RABGAP1L: variants seen among roughly 807,000 people sequenced by gnomAD.
The protein encoded by RABGAP1L is rab GTPase-activating protein 1-like.
RABGAP1L carries 63 observed loss-of-function variants against 137.7 expected under a neutral mutation model. That is an observed-to-expected ratio of 0.46 (90% confidence interval 0.37 to 0.56). The LOEUF (loss-of-function observed/expected upper bound fraction) is 0.56. RABGAP1L is among the 20% of genes least tolerant of loss of function. The pLI, the probability that RABGAP1L is intolerant of heterozygous loss-of-function variation, is 0.00. For missense variants in RABGAP1L, 1,095 were observed against 1,244.0 expected (o/e 0.88, Z 1.80); for synonymous variants, 431 against 433.7 (o/e 0.99, Z 0.08).
intron 13 of RABGAP1L, among the ~76,000 whole-genome samples, chr1:174,597,700 T>C (rs1670073070): frequency 6.6e-6 from 1 of 152,166 alleles, no homozygotes. Flanking sequence ...TAATCTTGTG[T>C]ATTGTTCTTT....
At chr1:174,258,266 A>C (rs966383458) in intron 7 of RABGAP1L, among the ~76,000 whole-genome samples, 1 of 152,212 alleles carries the variant, frequency 6.6e-6, no homozygotes, top group East Asian at 1.9e-4. Flanking sequence ...TGGCAGCCTT[A>C]CCAAGAAAAT....
chr1:174,237,160 G>A (rs922375367), intron 4 of RABGAP1L, among the ~76,000 whole-genome samples: 20 of 151,646 alleles, frequency 1.3e-4, no homozygotes, highest in South Asian at 4.2e-4. Context: ...GAGCCTATGT[G>A]TGTCTCTGCA....
chr1:174,563,605 G>A (rs1667369937), intron 13 of RABGAP1L, among the ~76,000 whole-genome samples: 1 of 152,108 alleles, frequency 6.6e-6, no homozygotes, highest in African/African-American at 2.4e-5. Flanking sequence ...TGTGATAACC[G>A]AAGGGTTCCA....
chr1:174,465,268 C>T (rs1211963628), intron 13 of RABGAP1L, among the ~76,000 whole-genome samples: 1 of 152,182 alleles, frequency 6.6e-6, no homozygotes, highest in Non-Finnish European at 1.5e-5. Context: ...GGTGTGATCT[C>T]AGCTCACTGT....
chr1:174,240,065 A>G (rs534739436), intron 4 of RABGAP1L, among the ~76,000 whole-genome samples: 1 of 152,182 alleles, frequency 6.6e-6, no homozygotes, highest in Non-Finnish European at 1.5e-5. Context: ...CTTCTATGCT[A>G]TCTGTTTAGC....
In RABGAP1L at chr1:174,584,662, C is replaced by A. The variant is rs75306744; in HGVS notation, c.1711-52713C>A. Reference sequence around the variant, plus strand: ...ATGGGCTTGGCCACTTTGTAAGAAACCTTGGTATCTCAGATGATAGATAGA... The same window carrying A: ...ATGGGCTTGGCCACTTTGTAAGAAAACTTGGTATCTCAGATGATAGATAGA... On this transcript the variant is annotated intron_variant, in intron 13 of 25. Transcript: ENST00000681986. 2.5e-3 allele frequency among the ~76,000 whole-genome samples: 376 copies of A among 152,184 alleles called. 4 individuals are homozygous for A. Among genetic ancestry groups the A allele is most frequent in the African/African-American group, 8.8e-3 (365 of 41,524 alleles).
chr1:174,421,568 G>A (rs1651295679), intron 13 of RABGAP1L, among the ~76,000 whole-genome samples: 2 of 152,086 alleles, frequency 1.3e-5, no homozygotes, highest in Admixed American at 6.5e-5. Context: ...TTATGGTTCA[G>A]GTCTGTTGGT....
At chr1:174,229,443 A>T (rs1670451076) in intron 3 of RABGAP1L, among the ~76,000 whole-genome samples, 1 of 152,162 alleles carries the variant, frequency 6.6e-6, no homozygotes, top group Non-Finnish European at 1.5e-5. Flanking sequence ...AGGTTTACTT[A>T]GTCAAGGGTT....
At chr1:174,625,726 T>A (rs998667591) in intron 13 of RABGAP1L, among the ~76,000 whole-genome samples, 1 of 152,206 alleles carries the variant, frequency 6.6e-6, no homozygotes, top group Non-Finnish European at 1.5e-5. Context: ...ATTATTCAGC[T>A]TATAAAAATA....
chr1:174,284,239 C>T (rs1675851377), intron 10 of RABGAP1L, among the ~76,000 whole-genome samples: 1 of 152,174 alleles, frequency 6.6e-6, no homozygotes, highest in Non-Finnish European at 1.5e-5. Flanking sequence ...CTTTGATCAG[C>T]ATCTCACTTT....
intron 12 of RABGAP1L, among the ~76,000 whole-genome samples, chr1:174,383,929 C>T (rs569154852): frequency 6.6e-6 from 1 of 152,276 alleles, no homozygotes; most frequent in East Asian, 1.9e-4. Flanking sequence ...CCCAGCAATT[C>T]CAGTCCCACT....
intron 17 of RABGAP1L, among the ~76,000 whole-genome samples, chr1:174,702,536 T>TGTAA (rs1181986314): frequency 6.6e-6 from 1 of 152,182 alleles, no homozygotes; most frequent in Non-Finnish European, 1.5e-5. Flanking sequence ...ATAATAATGT[T>TGTAA]TTACCAGTAT....
chr1:174,809,906 T>C (rs1397167504), intron 18 of RABGAP1L, among the ~76,000 whole-genome samples: 1 of 152,226 alleles, frequency 6.6e-6, no homozygotes, highest in Admixed American at 6.5e-5. Context: ...CTTTTCCAGC[T>C]AAGTTAAGGT....
At chr1:174,388,333 A>C (rs1270627868) in intron 12 of RABGAP1L, among the ~76,000 whole-genome samples, 2 of 152,084 alleles carry the variant, frequency 1.3e-5, no homozygotes, top group African/African-American at 4.8e-5. Flanking sequence ...AAATATTTCA[A>C]TACTAATTTG....
chr1:174,230,413 A>AT (rs1670549552), intron 3 of RABGAP1L, among the ~76,000 whole-genome samples: 1 of 152,126 alleles, frequency 6.6e-6, no homozygotes, highest in Admixed American at 6.5e-5. Context: ...AAAGAATAAA[A>AT]AAAAAGGAAG....
At position 174,443,995 on chromosome 1, in the gene RABGAP1L, T is replaced by C. The variant is rs377174152; in HGVS notation, c.1710+49850T>C. Among the ~76,000 whole-genome samples the C allele has an allele frequency of 3.5e-4, 53 of 152,168 alleles. 1 individual carries two copies. The highest frequency in any genetic ancestry group is 1.2e-3 in the African/African-American group (50 of 41,562). On this transcript the variant is annotated intron_variant, in intron 13 of 25. Coordinates refer to ENST00000681986, the MANE Select transcript of RABGAP1L (RefSeq NM_001366446.1). ...CCTGAATTTAGGTTGACTATAAATGTGTAGATTTATTTCTGGTTTCTCTGT... is the reference window on the plus strand; with the variant it reads ...CCTGAATTTAGGTTGACTATAAATGCGTAGATTTATTTCTGGTTTCTCTGT...
chr1:174,708,932 C>G (rs556036548), intron 17 of RABGAP1L, among the ~76,000 whole-genome samples: 4 of 152,322 alleles, frequency 2.6e-5, no homozygotes, highest in African/African-American at 9.6e-5. Context: ...GCTTGAAATT[C>G]TCACTGCCAG....
chr1:174,533,279 C>G (rs1372532561), intron 13 of RABGAP1L, among the ~76,000 whole-genome samples: 1 of 152,164 alleles, frequency 6.6e-6, no homozygotes, highest in Non-Finnish European at 1.5e-5. Context: ...TCCATGCGCT[C>G]CCCTCTGGTA....
chr1:174,651,154 T>A (rs969972609), intron 14 of RABGAP1L, among the ~76,000 whole-genome samples: 14 of 152,146 alleles, frequency 9.2e-5, no homozygotes, highest in East Asian at 5.8e-4. Context: ...TTTGAGTGAG[T>A]TTCTTAATCC....
Sources: allele counts gnomAD v4.1 joint callset (sites outside exome capture counted in the v4.1 genomes callset), GRCh38; gene constraint gnomAD v4.1.1; transcripts MANE v1.5; gene names NCBI Gene and HGNC (gene_info 2026-07-23, HGNC 2026-07-21).